Variants in PCSK2 observed in about 807,000 individuals in gnomAD.
PCSK2 encodes the protein neuroendocrine convertase 2.
In PCSK2, 14 loss-of-function variants were observed where a neutral mutation model predicts 69.7. That is an observed-to-expected ratio of 0.20 (90% confidence interval 0.13 to 0.31). PCSK2 has a LOEUF of 0.31. Among genes scored for constraint, PCSK2 ranks in the 10% least tolerant of loss-of-function variants. The pLI is 1.00. For synonymous variants in PCSK2, 307 were observed against 320.7 expected (o/e 0.96, Z 0.46); for missense variants, 544 against 842.5 (o/e 0.65, Z 4.39).
chr20:17,264,532 C>T (rs950688374), intron 2 of PCSK2, among the ~76,000 whole-genome samples: 2 of 152,190 alleles, frequency 1.3e-5, no homozygotes, highest in African/African-American at 2.4e-5. Context: ...GGCAGCCACA[C>T]GTTCTGGTAG....
At chr20:17,328,401 C>A (rs1990122236) in intron 2 of PCSK2, among the ~76,000 whole-genome samples, 1 of 147,232 alleles carries the variant, frequency 6.8e-6, no homozygotes. Context: ...ATATATTATG[C>A]AATTATATAT....
chr20:17,458,597 T>A (rs1445961043), intron 10 of PCSK2, among the ~76,000 whole-genome samples: 4 of 152,132 alleles, frequency 2.6e-5, no homozygotes, highest in Non-Finnish European at 5.9e-5. Context: ...CACAGAGCAG[T>A]CCCAAAGCTC....
rs2033458243 is a variant in PCSK2, at chr20:17,484,250, TATC to T, written c.*2182_*2184del. ...TAATTTATAAAATTAGAAAGCAACT[TATC>T]AGCTACTTAAGAGAAATGGCAAGTT... On this transcript the variant is annotated 3_prime_UTR_variant, in exon 12 of 12. Transcript: ENST00000262545. 2 of 152,464 alleles carry T rather than the reference TATC, an allele frequency of 1.3e-5. No homozygotes were observed. The highest frequency in any genetic ancestry group is 6.6e-5 in the Admixed American group (1 of 15,266). The allele number at this position is 152,464 out of a possible 1,614,324, so 9.4% of individuals were successfully genotyped here.
At chr20:17,285,460 G>C (rs1301845559) in intron 2 of PCSK2, among the ~76,000 whole-genome samples, 2 of 152,178 alleles carry the variant, frequency 1.3e-5, no homozygotes, top group Admixed American at 6.5e-5. Context: ...TTTAGGTTTG[G>C]TGATGTAGAA....
intron 6 of PCSK2, among the ~76,000 whole-genome samples, chr20:17,423,064 C>A (rs1321282780): frequency 6.6e-6 from 1 of 152,040 alleles, no homozygotes; most frequent in Non-Finnish European, 1.5e-5. Context: ...TGATTTCTTC[C>A]CTTTTCTCCC....
At chr20:17,257,973 G>A (rs1432818486) in intron 1 of PCSK2, among the ~76,000 whole-genome samples, 12 of 152,198 alleles carry the variant, frequency 7.9e-5, no homozygotes, top group Non-Finnish European at 1.5e-4. Flanking sequence ...TTAAAAATTT[G>A]CCACTGATTA....
In PCSK2 at chr20:17,453,794, G is replaced by T; in HGVS notation, c.938G>T (p.Ser313Ile). 6.2e-7 allele frequency: 1 copy of T among 1,614,160 alleles called. No individual in the cohort carries two copies. Among genetic ancestry groups the T allele is most frequent in the Non-Finnish European group, 8.5e-7 (1 of 1,180,026 alleles). The stretch of plus-strand genomic sequence containing the variant: ...GTGTGGGCCTCCGGGGACGGCGGCA[G>T]CTATGACGACTGCAACTGCGACGGC... ...IYVWASGDGGSYDDCNCDGYA... is the reference protein window; with the variant it reads ...IYVWASGDGGIYDDCNCDGYA... The change falls in exon 9 of 12, where the codon AGC (serine) becomes ATC (isoleucine). Residue 313 changes from serine to isoleucine, a missense_variant. Transcript: ENST00000262545. This position sits in a 1 kb window ranked among gnomAD's most constrained non-coding sequence, Gnocchi z 4.0.
intron 2 of PCSK2, among the ~76,000 whole-genome samples, chr20:17,310,472 T>C (rs1398782535): frequency 6.6e-6 from 1 of 152,126 alleles, no homozygotes; most frequent in Admixed American, 6.6e-5. Flanking sequence ...CAACACTGGT[T>C]GAGAACTTGC....
At chr20:17,290,242 C>A (rs981908920) in intron 2 of PCSK2, among the ~76,000 whole-genome samples, 1 of 152,172 alleles carries the variant, frequency 6.6e-6, no homozygotes, top group Non-Finnish European at 1.5e-5. Flanking sequence ...CACAGTAGGT[C>A]TTCAGTTAGT....
intron 4 of PCSK2, among the ~76,000 whole-genome samples, chr20:17,367,707 A>T (rs1406378916): frequency 2.6e-5 from 4 of 152,186 alleles, no homozygotes; most frequent in Non-Finnish European, 5.9e-5. Flanking sequence ...TATGTTGCCC[A>T]GGCTGGTCTT....
intron 11 of PCSK2, chr20:17,478,976 T>A: frequency 1.5e-6 from 1 of 669,080 alleles, no homozygotes; most frequent in East Asian, 2.8e-5. Flanking sequence ...TTGATAGCTT[T>A]AAAGTATATT....
rs1331754900 is a variant in PCSK2 at position 17,484,345 on chromosome 20, T to G, written c.*2275T>G. The G allele has an allele frequency of 6.6e-6, 1 of 152,562 alleles. No individual in the cohort carries two copies. The highest frequency in any genetic ancestry group is 1.9e-4 in the East Asian group (1 of 5,206). The allele number at this position is 152,562 out of a possible 1,614,324, so 9.5% of individuals were successfully genotyped here. ...TATATATAAATATTTGGTCTCTATT[T>G]CATTTTTTGCATCAGTATTAATACT... On this transcript the variant is annotated 3_prime_UTR_variant, in exon 12 of 12. Coordinates refer to ENST00000262545, the MANE Select transcript of PCSK2 (RefSeq NM_002594.5).
At chr20:17,456,098 G>A (rs2032915313) in intron 9 of PCSK2, among the ~76,000 whole-genome samples, 2 of 151,984 alleles carry the variant, frequency 1.3e-5, no homozygotes, top group Admixed American at 6.6e-5. Flanking sequence ...AAATTAGCCG[G>A]GCATGGTGGC....
At position 17,370,383 on chromosome 20, in the gene PCSK2, G is replaced by C. The variant is rs76215122; in HGVS notation, c.543+1106G>C. Among the ~76,000 whole-genome samples the C allele has an allele frequency of 5.1e-3, 782 of 152,186 alleles. 6 individuals are homozygous for C. Among genetic ancestry groups the C allele is most frequent in the African/African-American group, 0.018 (743 of 41,524 alleles). On this transcript the variant is annotated intron_variant, in intron 5 of 11. Coordinates refer to ENST00000262545, the MANE Select transcript of PCSK2 (RefSeq NM_002594.5). ...AATATTCCATGTGTTTCATGCACTG[G>C]GCAACAAGAAACAAGGCATTCAAGG...
chr20:17,451,537 T>C (rs982275475), intron 8 of PCSK2, among the ~76,000 whole-genome samples: 2 of 152,098 alleles, frequency 1.3e-5, no homozygotes, highest in African/African-American at 4.8e-5. Context: ...CTGGGAGAGA[T>C]CAGAGAACAT....
At chr20:17,312,566 A>G (rs980907037) in intron 2 of PCSK2, among the ~76,000 whole-genome samples, 1 of 152,028 alleles carries the variant, frequency 6.6e-6, no homozygotes, top group African/African-American at 2.4e-5. Flanking sequence ...AGGATAACAA[A>G]AAAATCACCT....
In PCSK2 at chr20:17,405,902, G is replaced by A. The variant is rs150036716; in HGVS notation, c.544-3361G>A. ...GAATCAACCCAACCTTCTCACTTTCGGTGTGATGGTACAATGATAATTCAA... is the reference window on the plus strand; with the variant it reads ...GAATCAACCCAACCTTCTCACTTTCAGTGTGATGGTACAATGATAATTCAA... On this transcript the variant is annotated intron_variant, in intron 5 of 11. Coordinates refer to ENST00000262545, the MANE Select transcript of PCSK2 (RefSeq NM_002594.5). Among the ~76,000 whole-genome samples, 303 of 152,152 alleles carry A rather than the reference G, an allele frequency of 2.0e-3. 2 individuals are homozygous for A. The highest frequency in any genetic ancestry group is 6.8e-3 in the Middle Eastern group (2 of 294).
chr20:17,243,882 A>T (rs548802119), intron 1 of PCSK2, among the ~76,000 whole-genome samples: 63 of 151,906 alleles, frequency 4.1e-4, no homozygotes, highest in African/African-American at 1.5e-3. Context: ...AGACTAAGAA[A>T]CTCTTCCAAA....
intron 2 of PCSK2, among the ~76,000 whole-genome samples, chr20:17,338,575 A>T (rs1990425232): frequency 6.6e-6 from 1 of 152,150 alleles, no homozygotes; most frequent in Non-Finnish European, 1.5e-5. Context: ...TCATTTCAGG[A>T]GAGTAGCAAC....
Sources: allele counts gnomAD v4.1 joint callset (sites outside exome capture counted in the v4.1 genomes callset), GRCh38; gene constraint gnomAD v4.1.1; non-coding constraint Gnocchi (gnomAD v3.1); transcripts MANE v1.5; gene names NCBI Gene and HGNC (gene_info 2026-07-23, HGNC 2026-07-21).